Variants in SNX7 observed in about 807,000 individuals in gnomAD.
The protein encoded by SNX7 is sorting nexin-7.
In SNX7, 35 loss-of-function variants were observed where a neutral mutation model predicts 48.4. The ratio of observed to expected loss-of-function variants is 0.72; its 90% CI spans 0.55 to 0.96. SNX7 has a LOEUF of 0.96. Ranked by LOEUF, SNX7 falls within the 40% of genes least tolerant of loss-of-function variation. The pLI is 0.00. For missense variants in SNX7, 553 were observed against 548.9 expected, an observed-to-expected ratio of 1.01 and a Z score of -0.07; for synonymous variants, 190 against 190.2, an observed-to-expected ratio of 1.00 and a Z score of 0.01.
intron 4 of SNX7, among the ~76,000 whole-genome samples, chr1:98,692,292 CA>C (rs918892643): frequency 3.9e-5 from 6 of 151,974 alleles, no homozygotes; most frequent in Admixed American, 1.3e-4. Flanking sequence ...CTAAGGAAGA[CA>C]AAATATACCA....
At chr1:98,744,419 A>G (rs1181630606) in intron 8 of SNX7, among the ~76,000 whole-genome samples, 2 of 152,016 alleles carry the variant, frequency 1.3e-5, no homozygotes, top group Non-Finnish European at 2.9e-5. Context: ...AGAAAAAAAC[A>G]GGCAATGTCA....
rs376245851 is a variant in SNX7 at position 98,756,422 on chromosome 1, G to GTTGT, written c.1279-3630_1279-3629insGTTT. On this transcript the variant is annotated intron_variant, in intron 8 of 8. Transcript: ENST00000306121. ...GGTCTCTTTTTTTTCTGCCAGATGA[G>GTTGT]TTTTTTTTTTTTTTTTTTTTTTTTA... 5.5e-5 allele frequency among the ~76,000 whole-genome samples: 3 copies of GTTGT among 54,692 alleles called. No homozygotes were observed. The South Asian group carries it at 3.1e-3, about 56-fold the overall frequency. 35.9% of individuals were successfully genotyped at this position (54,692 alleles called of 152,430 possible).
intron 1 of SNX7, among the ~76,000 whole-genome samples, chr1:98,669,467 G>C (rs1303991967): frequency 1.3e-5 from 2 of 152,186 alleles, no homozygotes; most frequent in African/African-American, 4.8e-5. Flanking sequence ...GCCATTCACA[G>C]CTGTTGATGT....
intron 1 of SNX7, among the ~76,000 whole-genome samples, chr1:98,675,706 G>A (rs1650124179): frequency 6.6e-6 from 1 of 152,160 alleles, no homozygotes; most frequent in East Asian, 1.9e-4. Flanking sequence ...TTACAAAGTT[G>A]CTATTTATAT....
At chr1:98,680,144 GC>G (rs1184602209) in intron 1 of SNX7, among the ~76,000 whole-genome samples, 2 of 152,184 alleles carry the variant, frequency 1.3e-5, no homozygotes, top group South Asian at 2.1e-4. Context: ...TGACTTTGGT[GC>G]ATTGTCTGTC....
chr1:98,679,575 G>T (rs1204960066), intron 1 of SNX7, among the ~76,000 whole-genome samples: 1 of 152,090 alleles, frequency 6.6e-6, no homozygotes, highest in Admixed American at 6.5e-5. Context: ...ATATCAAAAG[G>T]TTAGTCACTT....
intron 1 of SNX7, among the ~76,000 whole-genome samples, chr1:98,682,240 C>T (rs190399169): frequency 2.4e-4 from 37 of 152,014 alleles, no homozygotes; most frequent in Middle Eastern, 3.4e-3. Context: ...TATTCTTTCT[C>T]CTTGTCATCT....
intron 4 of SNX7, among the ~76,000 whole-genome samples, chr1:98,691,937 A>ACACACACACTCTCT (rs376006567): frequency 1.6e-4 from 21 of 131,066 alleles, no homozygotes; most frequent in Admixed American, 7.1e-4. Context: ...ACACACACAC[A>ACACACACACTCTCT]CTCTCTCTCT....
In SNX7 at chr1:98,701,908, G is replaced by C. The variant is rs1557808191; in HGVS notation, c.1125+5G>C. The C allele has an allele frequency of 6.3e-7, 1 of 1,593,960 alleles. No homozygotes were observed. Among genetic ancestry groups the C allele is most frequent in the Admixed American group, 1.7e-5 (1 of 57,692 alleles). ...AAAAAGGCAGATACTGATCTGGTAA[G>C]TTTTTAAGTTTCTTGATACAATCAT... On this transcript the variant is annotated splice_donor_5th_base_variant and intron_variant, in intron 7 of 8. Coordinates refer to ENST00000306121, the MANE Select transcript of SNX7 (RefSeq NM_015976.5).
At chr1:98,709,429 G>A (rs1015632238) in intron 7 of SNX7, among the ~76,000 whole-genome samples, 1 of 152,116 alleles carries the variant, frequency 6.6e-6, no homozygotes, top group Non-Finnish European at 1.5e-5. Flanking sequence ...ACTTTAAATT[G>A]TATCTGAATT....
At chr1:98,663,856 A>G (rs184571075) in intron 1 of SNX7, among the ~76,000 whole-genome samples, 1 of 152,342 alleles carries the variant, frequency 6.6e-6, no homozygotes, top group African/African-American at 2.4e-5. Context: ...AGTTAAGAAC[A>G]ACTTCTGTAG....
Position 98,695,558 on chromosome 1 carries a change from G to A in SNX7, c.680G>A (p.Ser227Asn), listed in dbSNP as rs1651408545. Residue 227 changes from serine to asparagine, a missense_variant, in exon 5 of 9, where the codon AGC (serine) becomes AAC (asparagine). Physicochemically the swap from Ser to Asn is conservative, Grantham distance 46. Coordinates refer to ENST00000306121, the MANE Select transcript of SNX7 (RefSeq NM_015976.5). Reference sequence around the variant, plus strand: ...AAGAAGCAAGGTCCTGGCTTGCTAAGCAGGATGGGGCAAACCGTCAGAGCT... The same window carrying A: ...AAGAAGCAAGGTCCTGGCTTGCTAAACAGGATGGGGCAAACCGTCAGAGCT... ...SHKKQGPGLL[S>N]RMGQTVRAVA... 1 of 1,613,992 alleles carries A rather than the reference G, an allele frequency of 6.2e-7. No homozygotes were observed. The highest frequency in any genetic ancestry group is 1.3e-5 in the African/African-American group (1 of 74,904).
At chr1:98,666,722 A>C (rs760566409) in intron 1 of SNX7, among the ~76,000 whole-genome samples, 5 of 152,062 alleles carry the variant, frequency 3.3e-5, no homozygotes, top group Non-Finnish European at 7.4e-5. Context: ...TGGGATTATG[A>C]CTGCCTTGAT....
intron 4 of SNX7, among the ~76,000 whole-genome samples, chr1:98,693,369 A>T (rs1651254691): frequency 6.6e-6 from 1 of 152,214 alleles, no homozygotes; most frequent in African/African-American, 2.4e-5. Flanking sequence ...GGTCAATATT[A>T]AACAGTTACT....
intron 7 of SNX7, among the ~76,000 whole-genome samples, chr1:98,724,959 A>C (rs1460409103): frequency 6.6e-6 from 1 of 152,184 alleles, no homozygotes; most frequent in Non-Finnish European, 1.5e-5. Flanking sequence ...TATTAAATGT[A>C]TAGTTTAGCA....
intron 1 of SNX7, 79 bp from the exon 2 acceptor site, chr1:98,684,797 GATATATTTC>G: frequency 1.1e-6 from 1 of 934,008 alleles, no homozygotes; most frequent in Non-Finnish European, 1.5e-6. Context: ...TTTTGTTCTT[GATATATTTC>G]ATTAATATTG....
intron 6 of SNX7, among the ~76,000 whole-genome samples, chr1:98,700,257 T>G (rs553304243): frequency 6.6e-6 from 1 of 152,298 alleles, no homozygotes; most frequent in Middle Eastern, 3.4e-3. Context: ...TGAAAAATAA[T>G]CCTTCCATAA....
intron 7 of SNX7, among the ~76,000 whole-genome samples, chr1:98,704,331 A>G (rs1475770254): frequency 1.3e-5 from 2 of 152,216 alleles, no homozygotes; most frequent in African/African-American, 4.8e-5. Context: ...AAACAGACAC[A>G]TTTAACAGAG....
intron 8 of SNX7, among the ~76,000 whole-genome samples, chr1:98,758,031 G>T (rs1654937207): frequency 6.6e-6 from 1 of 151,936 alleles, no homozygotes; most frequent in Admixed American, 6.6e-5. Context: ...GATTATATTT[G>T]CTTACTTAGG....
Sources: allele counts gnomAD v4.1 joint callset (sites outside exome capture counted in the v4.1 genomes callset), GRCh38; gene constraint gnomAD v4.1.1; transcripts MANE v1.5; gene names NCBI Gene and HGNC (gene_info 2026-07-23, HGNC 2026-07-21).